SOS1: variants seen among roughly 807,000 people sequenced by gnomAD.
The protein encoded by SOS1 is son of sevenless homolog 1.
In SOS1, 25 loss-of-function variants were observed where a neutral mutation model predicts 157.6. That is an observed-to-expected ratio of 0.16 (90% CI 0.12 to 0.22). The LOEUF (loss-of-function observed/expected upper bound fraction) is 0.22. Among genes scored for constraint, SOS1 ranks in the 10% least tolerant of loss-of-function variants. The pLI is 1.00. For missense variants in SOS1, 1,237 were observed against 1,599.1 expected (o/e 0.77, Z 3.86); for synonymous variants, 528 against 534.0 (o/e 0.99, Z 0.16).
Position 38,985,732 on chromosome 2 carries a change from C to G in SOS1, c.*92G>C. On this transcript the variant is annotated 3_prime_UTR_variant, in exon 23 of 23. Coordinates refer to ENST00000402219, the MANE Select transcript of SOS1 (RefSeq NM_005633.4). The stretch of plus-strand genomic sequence containing the variant: ...AAGAGTCGTTAGTGTTTGGAGTTCT[C>G]ATTTTAACTCCTCAGTGCTGGCACA... The G allele has an allele frequency of 2.2e-6, 3 of 1,353,606 alleles. No individual in the cohort carries two copies. The highest frequency in any genetic ancestry group is 1.0e-6 in the Non-Finnish European group (1 of 956,430). The allele number at this position is 1,353,606 out of a possible 1,614,324, so 83.8% of individuals were successfully genotyped here.
upstream of SOS1, among the ~76,000 whole-genome samples, chr2:39,123,335 TAG>T (rs1352743008): frequency 6.6e-6 from 1 of 151,780 alleles, no homozygotes; most frequent in Non-Finnish European, 1.5e-5. Flanking sequence ...TGTAAACTCC[TAG>T]AGAGAGAGAA....
rs570064005 is a variant in SOS1 at position 38,983,304 on chromosome 2, A to G, written c.*2520T>C. 1 of 152,300 alleles carries G rather than the reference A, an allele frequency of 6.6e-6. No homozygotes were observed. The highest frequency in any genetic ancestry group is 6.5e-5 in the Admixed American group (1 of 15,286). 9.4% of individuals were successfully genotyped at this position (152,300 alleles called of 1,614,324 possible). A position where few individuals can be genotyped will look rare whatever the true frequency, so the allele number is the denominator to read the frequency against. ...CTAGTTAATGTTTCATATTGAGAAG[A>G]AGGCAAGGATGCCATTTTCTCACCT... is the stretch of plus-strand genomic sequence containing the variant. On this transcript the variant is annotated 3_prime_UTR_variant, in exon 23 of 23. Transcript: ENST00000402219.
chr2:39,122,824 C>T (rs1253289362), upstream of SOS1, among the ~76,000 whole-genome samples: 1 of 151,914 alleles, frequency 6.6e-6, no homozygotes, highest in Non-Finnish European at 1.5e-5. Flanking sequence ...GATTACAAGC[C>T]TGAGCCACCG....
intron 17 of SOS1, among the ~76,000 whole-genome samples, chr2:39,003,680 T>C (rs1381349571): frequency 6.6e-6 from 1 of 152,240 alleles, no homozygotes; most frequent in Non-Finnish European, 1.5e-5. Context: ...AATTGACAGA[T>C]TGTTCCAGTT....
At chr2:39,055,866 C>G (rs2124605719) in intron 4 of SOS1, among the ~76,000 whole-genome samples, 1 of 152,266 alleles carries the variant, frequency 6.6e-6, no homozygotes, top group Admixed American at 6.5e-5. Context: ...ATTTCTTTAT[C>G]CCTGTGAATT....
intron 8 of SOS1, among the ~76,000 whole-genome samples, chr2:39,024,627 C>T (rs1381548051): frequency 1.3e-5 from 2 of 151,960 alleles, no homozygotes; most frequent in Non-Finnish European, 2.9e-5. Flanking sequence ...AATCTAGGAT[C>T]AAATTTTGAC....
intron 10 of SOS1, among the ~76,000 whole-genome samples, chr2:39,021,528 A>G (rs1277290142): frequency 1.6e-5 from 2 of 126,460 alleles, no homozygotes; most frequent in Non-Finnish European, 3.6e-5. Context: ...TCTACAGGAA[A>G]AAAAAAAAAA....
chr2:39,060,218 G>A (rs911672801), intron 2 of SOS1, among the ~76,000 whole-genome samples: 7 of 152,146 alleles, frequency 4.6e-5, no homozygotes, highest in Non-Finnish European at 8.8e-5. Context: ...GATTAACTAA[G>A]TGCAACCATG....
intron 17 of SOS1, among the ~76,000 whole-genome samples, chr2:38,998,531 G>A (rs1321955891): frequency 6.6e-6 from 1 of 152,172 alleles, no homozygotes; most frequent in Non-Finnish European, 1.5e-5. Flanking sequence ...GATTACAAGC[G>A]TGAGTCACCG....
chr2:39,011,852 G>T (rs1368236645), intron 14 of SOS1, among the ~76,000 whole-genome samples: 1 of 152,174 alleles, frequency 6.6e-6, no homozygotes. Flanking sequence ...ACACAAGGAG[G>T]TTAAAGTTGC....
intron 1 of SOS1, among the ~76,000 whole-genome samples, chr2:39,116,134 A>C (rs1274925357): frequency 1.3e-5 from 2 of 152,034 alleles, no homozygotes; most frequent in Non-Finnish European, 2.9e-5. Flanking sequence ...AAATCTGCTT[A>C]ATCAGATACC....
At chr2:39,097,208 C>A (rs906624981) in intron 1 of SOS1, among the ~76,000 whole-genome samples, 1 of 152,140 alleles carries the variant, frequency 6.6e-6, no homozygotes, top group Non-Finnish European at 1.5e-5. Flanking sequence ...TAGGCACCAA[C>A]CATGACTATA....
At chr2:39,000,542 G>A (rs1669059795) in intron 17 of SOS1, among the ~76,000 whole-genome samples, 1 of 151,996 alleles carries the variant, frequency 6.6e-6, no homozygotes. Flanking sequence ...AGAAAACAGA[G>A]CATTATGACA....
chr2:38,987,657 A>G (rs1456578781), intron 21 of SOS1, 66 bp from the exon 22 acceptor site: 6 of 820,194 alleles, frequency 7.3e-6, no homozygotes, highest in Non-Finnish European at 1.0e-5. Flanking sequence ...TACCTTGAAA[A>G]GTCTTAGCTG....
chr2:39,024,251 A>T (rs567525511), intron 8 of SOS1, 114 bp from the exon 9 acceptor site: 11 of 851,554 alleles, frequency 1.3e-5, no homozygotes, highest in Non-Finnish European at 2.1e-5. Flanking sequence ...AAAAATTTTA[A>T]ATGTGTCATC....
Position 39,069,190 on chromosome 2 carries a change from C to CAAAAAAAAA in SOS1, c.88-1446_88-1438dup, listed in dbSNP as rs869178369. Among the ~76,000 whole-genome samples, 28 of 46,760 alleles carry CAAAAAAAAA rather than the reference C, an allele frequency of 6.0e-4. 4 individuals are homozygous for CAAAAAAAAA. Among genetic ancestry groups the CAAAAAAAAA allele is most frequent in the East Asian group, 2.0e-3 (2 of 978 alleles). The allele number at this position is 46,760 out of a possible 152,430, so 30.7% of individuals were successfully genotyped here. ...GGGAAAACCTGTCTCTACCAAAAAG[C>CAAAAAAAAA]AAAAAAAAAAAAAAAAAAAAAAAAA... On this transcript the variant is annotated intron_variant, in intron 1 of 22. Transcript: ENST00000402219.
At chr2:39,021,651 G>T (rs1558473674) in intron 10 of SOS1, among the ~76,000 whole-genome samples, 1 of 151,194 alleles carries the variant, frequency 6.6e-6, no homozygotes, top group Non-Finnish European at 1.5e-5. Flanking sequence ...AAATGATAAA[G>T]TTTAGAATGC....
chr2:39,118,545 C>G (rs1247404016), intron 1 of SOS1, among the ~76,000 whole-genome samples: 6 of 152,166 alleles, frequency 3.9e-5, no homozygotes, highest in Admixed American at 3.3e-4. Context: ...GTATCTCTAA[C>G]TTAAAGTCAA....
chr2:39,077,996 G>A (rs1672074183), intron 1 of SOS1, among the ~76,000 whole-genome samples: 3 of 152,120 alleles, frequency 2.0e-5, no homozygotes, highest in African/African-American at 7.2e-5. Context: ...ACAAAAAGTG[G>A]AAAGATAAGT....
Sources: gnomAD v4.1 joint callset for allele counts (sites outside exome capture counted in the v4.1 genomes callset) on GRCh38, gnomAD v4.1.1 for gene constraint, MANE v1.5 for transcripts, NCBI Gene and HGNC (gene_info 2026-07-23, HGNC 2026-07-21) for gene names.